The following DACH2 variants were observed in gnomAD, a reference collection of about 807,000 sequenced individuals.
DACH2 encodes the protein dachshund family transcription factor 2, also known as dachshund homolog 2.
Under a neutral mutation model 35.8 loss-of-function variants are expected in DACH2, and 17 were observed. The ratio of observed to expected loss-of-function variants is 0.48; its 90% confidence interval spans 0.33 to 0.71. The LOEUF is 0.71. DACH2 is among the 30% of genes least tolerant of loss of function. The pLI, the probability that DACH2 is intolerant of heterozygous loss-of-function variation, is 0.02. For synonymous variants in DACH2, 195 were observed against 177.3 expected (o/e 1.10, Z -0.79); for missense variants, 469 against 472.7 (o/e 0.99, Z 0.07).
intron 2 of DACH2, among the ~76,000 whole-genome samples, chrX:86,465,701 CT>C (rs1417868443): frequency 9.0e-6 from 1 of 111,513 alleles, no homozygotes; most frequent in Non-Finnish European, 1.9e-5. Flanking sequence ...TTTTTTAATG[CT>C]TTTTCAAAAT....
Position 86,252,523 on chromosome X carries a change from G to A in DACH2, c.488+103415G>A, listed in dbSNP as rs1382234376. ...CGATCTTGAGTTGGTTTTTGTGTAA[G>A]TTGAGAGATGAGGATGCAATTTCAT... On this transcript the variant is annotated intron_variant, in intron 1 of 11. Transcript: ENST00000373125. 1.7e-4 allele frequency among the ~76,000 whole-genome samples: 19 copies of A among 111,367 alleles called. No homozygotes were observed. In the Admixed American group the frequency reaches 1.8e-3, roughly 11 times the overall value.
At chrX:86,557,103 G>C (rs2039142373) in intron 3 of DACH2, among the ~76,000 whole-genome samples, 1 of 109,764 alleles carries the variant, frequency 9.1e-6, no homozygotes, top group Non-Finnish European at 1.9e-5. Context: ...TGGTGCAACT[G>C]AAACAAAAGC....
chrX:86,701,755 A>G lies in DACH2; in HGVS notation c.931+6576A>G, dbSNP rs751977308. Among the ~76,000 whole-genome samples the G allele has an allele frequency of 6.3e-5, 7 of 111,713 alleles. No individual in the cohort carries two copies. The South Asian group carries it at 2.6e-3, about 42-fold the overall frequency. On this transcript the variant is annotated intron_variant, in intron 5 of 11. Transcript: ENST00000373125. The stretch of plus-strand genomic sequence containing the variant: ...CTGGAGGCCATTACCCTAAGAAACT[A>G]ATGCACGAACAGAAAACCAAATACA...
chrX:86,301,502 T>G (rs1458248065), intron 1 of DACH2, among the ~76,000 whole-genome samples: 1 of 112,044 alleles, frequency 8.9e-6, no homozygotes, highest in Non-Finnish European at 1.9e-5. Flanking sequence ...AAGCAGAAGT[T>G]TGTTGAGACA....
At chrX:86,460,902 A>G (rs1275766075) in intron 2 of DACH2, among the ~76,000 whole-genome samples, 1 of 111,516 alleles carries the variant, frequency 9.0e-6, no homozygotes, top group Non-Finnish European at 1.9e-5. Flanking sequence ...TCCCAATACA[A>G]TGATGTGTAT....
chrX:86,316,028 GCTAT>G (rs1462172453), intron 1 of DACH2, among the ~76,000 whole-genome samples: 1 of 111,096 alleles, frequency 9.0e-6, no homozygotes, highest in Non-Finnish European at 1.9e-5. Context: ...GACCAGGTGT[GCTAT>G]CTTTTTAGAG....
chrX:86,573,467 A>T lies in DACH2; in HGVS notation c.640+59076A>T, dbSNP rs1311004622. Among the ~76,000 whole-genome samples the T allele has an allele frequency of 2.7e-5, 3 of 111,624 alleles. No homozygotes were observed. The East Asian group carries it at 8.5e-4, about 32-fold the overall frequency. ...ATAAATGATGTGAAGAAATTCAAAG[A>T]GATTGCTTGTTGGATAGCAGTGATA... On this transcript the variant is annotated intron_variant, in intron 3 of 11. Transcript: ENST00000373125.
intron 2 of DACH2, among the ~76,000 whole-genome samples, chrX:86,459,319 C>T (rs1432167486): frequency 9.0e-6 from 1 of 111,562 alleles, no homozygotes; most frequent in Non-Finnish European, 1.9e-5. Context: ...CTCCTGGATG[C>T]TTCTCAAAAG....
At chrX:86,804,564 T>C (rs1303685327) in intron 7 of DACH2, among the ~76,000 whole-genome samples, 1 of 112,133 alleles carries the variant, frequency 8.9e-6, no homozygotes, top group East Asian at 2.8e-4. Flanking sequence ...CCCAAAGTCT[T>C]AACTAATTCC....
At chrX:86,555,790 A>G (rs2039109893) in intron 3 of DACH2, among the ~76,000 whole-genome samples, 1 of 111,650 alleles carries the variant, frequency 9.0e-6, no homozygotes, top group Non-Finnish European at 1.9e-5. Flanking sequence ...TAACATAAAT[A>G]TTTTAGAGCT....
At chrX:86,819,060 A>ATATAGGATACAT (rs2042482270) in intron 11 of DACH2, among the ~76,000 whole-genome samples, 1 of 108,345 alleles carries the variant, frequency 9.2e-6, no homozygotes, top group African/African-American at 3.3e-5. Flanking sequence ...GTAATACATT[A>ATATAGGATACAT]TATGTATATA....
At chrX:86,220,188 A>G (rs2032676326) in intron 1 of DACH2, among the ~76,000 whole-genome samples, 1 of 98,068 alleles carries the variant, frequency 1.0e-5, no homozygotes, top group South Asian at 5.3e-4. Context: ...AAAAAAAAAA[A>G]AAATTTCCCT....
chrX:86,609,189 T>A (rs1173786214), intron 3 of DACH2, among the ~76,000 whole-genome samples: 1 of 112,048 alleles, frequency 8.9e-6, no homozygotes, highest in Non-Finnish European at 1.9e-5. Flanking sequence ...TTTTTCTGAC[T>A]GTATTTTCAA....
At chrX:86,797,735 A>G (rs1224872650) in intron 7 of DACH2, among the ~76,000 whole-genome samples, 1 of 112,077 alleles carries the variant, frequency 8.9e-6, no homozygotes, top group Non-Finnish European at 1.9e-5. Flanking sequence ...CAGCAACTTC[A>G]AATATTCAGA....
chrX:86,832,056 G>A (rs1456318747), intron 11 of DACH2, 50 bp from the exon 12 acceptor site: 3 of 867,553 alleles, frequency 3.5e-6, no homozygotes, highest in South Asian at 2.3e-5. Context: ...TTTTAAGCAC[G>A]TATCAGAATG....
chrX:86,795,970 G>A (rs2042233036), intron 7 of DACH2, among the ~76,000 whole-genome samples: 1 of 111,394 alleles, frequency 9.0e-6, no homozygotes, highest in South Asian at 3.9e-4. Context: ...GTGAGCAGCA[G>A]CAAGATTTAT....
chrX:86,593,965 C>G (rs1293845339), intron 3 of DACH2, among the ~76,000 whole-genome samples: 2 of 110,498 alleles, frequency 1.8e-5, no homozygotes, highest in Non-Finnish European at 3.8e-5. Context: ...ACCAGTACAC[C>G]CATCGTAGCC....
intron 1 of DACH2, among the ~76,000 whole-genome samples, chrX:86,312,296 T>G (rs1056958875): frequency 8.5e-4 from 95 of 112,385 alleles, no homozygotes; most frequent in African/African-American, 3.0e-3. Flanking sequence ...TATTGTTAAC[T>G]TTATGTAATA....
intron 2 of DACH2, among the ~76,000 whole-genome samples, chrX:86,415,744 C>T (rs1160941929): frequency 1.8e-5 from 2 of 112,158 alleles, no homozygotes; most frequent in African/African-American, 3.2e-5. Context: ...AAATACATGG[C>T]TCTCACTGTA....
Sources: allele counts gnomAD v4.1 joint callset (sites outside exome capture counted in the v4.1 genomes callset), GRCh38; gene constraint gnomAD v4.1.1; transcripts MANE v1.5; gene names NCBI Gene and HGNC (gene_info 2026-07-23, HGNC 2026-07-21).